Variants in RFTN2 observed in about 807,000 individuals in gnomAD.
RFTN2 encodes raftlin family member 2.
Under a neutral mutation model 52.7 loss-of-function variants are expected in RFTN2, and 34 were observed. The observed-to-expected ratio is 0.64, with a 90% CI of 0.49 to 0.86. The LOEUF is 0.86. Among genes scored for constraint, RFTN2 ranks in the 40% least tolerant of loss-of-function variants. The pLI is 0.00. For synonymous variants in RFTN2, 203 were observed against 217.7 expected, an observed-to-expected ratio of 0.93 and a Z score of 0.59; for missense variants, 536 against 600.1, an observed-to-expected ratio of 0.89 and a Z score of 1.12.
intron 8 of RFTN2, among the ~76,000 whole-genome samples, chr2:197,591,759 C>T (rs2087718114): frequency 6.6e-6 from 1 of 152,186 alleles, no homozygotes; most frequent in Admixed American, 6.5e-5. Context: ...AGGGCTGGCA[C>T]TGCTGTGGGA....
chr2:197,590,537 A>G (rs1351091629), intron 8 of RFTN2, among the ~76,000 whole-genome samples: 1 of 152,244 alleles, frequency 6.6e-6, no homozygotes, highest in African/African-American at 2.4e-5. Context: ...GATTTGTTGA[A>G]CATAATGTGT....
chr2:197,615,556 G>A (rs1340243190), intron 7 of RFTN2, among the ~76,000 whole-genome samples: 1 of 150,370 alleles, frequency 6.7e-6, no homozygotes, highest in Non-Finnish European at 1.5e-5. Flanking sequence ...TGTGCCAAGG[G>A]GAACTAACTC....
chr2:197,662,616 AT>A (rs578053057), intron 1 of RFTN2, among the ~76,000 whole-genome samples: 2,060 of 148,468 alleles, frequency 0.014, 36 homozygotes, highest in Admixed American at 0.036. Flanking sequence ...AAATTTTGGT[AT>A]TTTTTTTTTC....
intron 3 of RFTN2, among the ~76,000 whole-genome samples, chr2:197,638,836 G>T (rs370690869): frequency 6.9e-6 from 1 of 144,562 alleles, no homozygotes. Context: ...TCCTAGTCTC[G>T]ATGGTCTTTA....
intron 1 of RFTN2, among the ~76,000 whole-genome samples, chr2:197,663,101 T>C (rs2089001574): frequency 6.6e-6 from 1 of 152,156 alleles, no homozygotes; most frequent in Admixed American, 6.5e-5. Flanking sequence ...GAGATAATCA[T>C]ATGTTTTTTG....
chr2:197,604,376 C>T (rs2087926117), intron 7 of RFTN2, among the ~76,000 whole-genome samples: 1 of 152,166 alleles, frequency 6.6e-6, no homozygotes, highest in Admixed American at 6.5e-5. Context: ...TGAATGGACA[C>T]ATACATAGTA....
At chr2:197,664,942 A>G (rs2106270492) in intron 1 of RFTN2, among the ~76,000 whole-genome samples, 1 of 152,334 alleles carries the variant, frequency 6.6e-6, no homozygotes, top group African/African-American at 2.4e-5. Flanking sequence ...GTTTAAATCC[A>G]GTCTTTCATT....
At chr2:197,658,652 G>A (rs963196757) in intron 1 of RFTN2, among the ~76,000 whole-genome samples, 4 of 152,074 alleles carry the variant, frequency 2.6e-5, no homozygotes, top group African/African-American at 7.2e-5. Flanking sequence ...AATTTGAACA[G>A]CACAGGTGGT....
intron 5 of RFTN2, among the ~76,000 whole-genome samples, chr2:197,626,614 C>CTTT (rs201711932): frequency 0.02 from 1,915 of 97,216 alleles, 203 homozygotes; most frequent in African/African-American, 0.04. Flanking sequence ...AAGGAATAAT[C>CTTT]TTCTTTTTTT....
intron 5 of RFTN2, among the ~76,000 whole-genome samples, chr2:197,629,987 G>A (rs910940504): frequency 6.6e-6 from 1 of 152,158 alleles, no homozygotes; most frequent in African/African-American, 2.4e-5. Context: ...GCCTCCCAAA[G>A]TGCTGGGATT....
chr2:197,585,239 G>A (rs1418304680), intron 8 of RFTN2, among the ~76,000 whole-genome samples: 2 of 151,878 alleles, frequency 1.3e-5, no homozygotes. Flanking sequence ...TTTGCAACAG[G>A]GCTTTATGCA....
chr2:197,670,560 A>G (rs961475593), intron 1 of RFTN2, among the ~76,000 whole-genome samples: 2 of 148,672 alleles, frequency 1.3e-5, no homozygotes, highest in African/African-American at 2.4e-5. Context: ...GTGTAGTCCC[A>G]GCTACTCCAG....
intron 8 of RFTN2, among the ~76,000 whole-genome samples, chr2:197,585,462 G>T (rs1158649099): frequency 1.3e-5 from 2 of 152,228 alleles, no homozygotes; most frequent in African/African-American, 4.8e-5. Context: ...GTGAATAGAT[G>T]ATCTTTGCTG....
At chr2:197,663,272 T>C (rs2089004406) in intron 1 of RFTN2, among the ~76,000 whole-genome samples, 2 of 152,226 alleles carry the variant, frequency 1.3e-5, no homozygotes, top group Admixed American at 6.5e-5. Context: ...TTTGCATCTA[T>C]ATTCATCAGG....
At chr2:197,628,033 C>A (rs1007285057) in intron 5 of RFTN2, among the ~76,000 whole-genome samples, 1 of 151,964 alleles carries the variant, frequency 6.6e-6, no homozygotes, top group African/African-American at 2.4e-5. Context: ...GAAGCAAGAC[C>A]AAACAAAATA....
chr2:197,617,562 C>T lies in RFTN2; in HGVS notation c.1050+238G>A, dbSNP rs1190582050. On this transcript the variant is annotated intron_variant, in intron 6 of 8. Coordinates refer to ENST00000295049, the MANE Select transcript of RFTN2 (RefSeq NM_144629.3). The stretch of plus-strand genomic sequence containing the variant: ...GAGTATGGTGGTGCAGGCCTGTAGT[C>T]CCAGCTACCTGGGAGGCTGAGGTTG... 3.3e-5 allele frequency among the ~76,000 whole-genome samples: 5 copies of T among 151,892 alleles called. No individual in the cohort carries two copies. The East Asian group carries it at 7.7e-4, about 23-fold the overall frequency.
chr2:197,597,659 C>T (rs1023185927), intron 7 of RFTN2, among the ~76,000 whole-genome samples: 1 of 152,086 alleles, frequency 6.6e-6, no homozygotes, highest in Non-Finnish European at 1.5e-5. Context: ...GCTGGGATCA[C>T]AGGCATGTAC....
At chr2:197,636,030 CA>C (rs1231081297) in intron 3 of RFTN2, among the ~76,000 whole-genome samples, 2 of 144,966 alleles carry the variant, frequency 1.4e-5, no homozygotes, top group African/African-American at 5.1e-5. Flanking sequence ...TCAGGTTTGT[CA>C]AAGATCAGAT....
intron 3 of RFTN2, among the ~76,000 whole-genome samples, chr2:197,640,334 C>G (rs1293033611): frequency 2.6e-5 from 4 of 152,196 alleles, no homozygotes; most frequent in African/African-American, 9.7e-5. Context: ...CTCCCCCAGC[C>G]TCACTGCCGC....
Sources: gnomAD v4.1 joint callset for allele counts (sites outside exome capture counted in the v4.1 genomes callset) on GRCh38, gnomAD v4.1.1 for gene constraint, MANE v1.5 for transcripts, NCBI Gene and HGNC (gene_info 2026-07-23, HGNC 2026-07-21) for gene names.